Variants in CFAP54 observed in about 807,000 individuals in gnomAD.
The protein encoded by CFAP54 is cilia and flagella associated protein 54, also known as cilia- and flagella-associated protein 54.
CFAP54 carries 290 observed loss-of-function variants against 370.4 expected under a neutral mutation model. The observed-to-expected ratio is 0.78, with a 90% confidence interval of 0.71 to 0.86. The LOEUF (loss-of-function observed/expected upper bound fraction) is 0.86. CFAP54 is among the 40% of genes least tolerant of loss of function. The probability of loss-of-function intolerance (pLI) is 0.00; values close to 1 mark genes in which losing one functional copy is unlikely to be tolerated. For missense variants in CFAP54, 3,399 were observed against 3,528.7 expected, an observed-to-expected ratio of 0.96 and a Z score of 0.93; for synonymous variants, 1,206 against 1,236.5, an observed-to-expected ratio of 0.98 and a Z score of 0.52.
At chr12:96,644,149 A>G in intron 32 of CFAP54, 29 bp from the exon 33 acceptor site, 1 of 1,411,694 alleles carries the variant, frequency 7.1e-7, no homozygotes, top group Non-Finnish European at 9.5e-7. Context: ...GTTCTTGTGT[A>G]ATTTCAAAAC....
chr12:96,727,569 T>C (rs1957858697), intron 50 of CFAP54, among the ~76,000 whole-genome samples: 1 of 150,538 alleles, frequency 6.6e-6, no homozygotes, highest in Non-Finnish European at 1.5e-5. Context: ...CCTATGTGTG[T>C]CTCTGCACAT....
rs566590053 is a variant in CFAP54 at position 96,493,792 on chromosome 12, C to T, written c.317+3866C>T. Among the ~76,000 whole-genome samples, 204 of 151,558 alleles carry T rather than the reference C, an allele frequency of 1.3e-3. 1 individual carries two copies. Among genetic ancestry groups the T allele is most frequent in the African/African-American group, 4.7e-3 (194 of 41,286 alleles). ...CAGCCCAGGCGACAGAGTGAGACTC[C>T]GTCTCAAACAAACAAACAAAAAAAC... On this transcript the variant is annotated intron_variant, in intron 1 of 67. Transcript: ENST00000524981.
chr12:96,847,879 C>T (rs1959402993), intron 66 of CFAP54, among the ~76,000 whole-genome samples: 1 of 152,164 alleles, frequency 6.6e-6, no homozygotes, highest in South Asian at 2.1e-4. Flanking sequence ...CCAGGCACAG[C>T]TGTGGCTCTG....
chr12:96,539,877 G>C (rs1477414362), intron 13 of CFAP54, among the ~76,000 whole-genome samples: 1 of 151,962 alleles, frequency 6.6e-6, no homozygotes, highest in African/African-American at 2.4e-5. Flanking sequence ...ATTATAACCT[G>C]GAAACTTAGG....
intron 47 of CFAP54, among the ~76,000 whole-genome samples, chr12:96,707,839 G>C (rs2136589893): frequency 6.6e-6 from 1 of 152,170 alleles, no homozygotes; most frequent in Non-Finnish European, 1.5e-5. Flanking sequence ...GAGGAAGCAA[G>C]GTCATTGGCT....
chr12:96,611,870 G>A (rs1178381270), intron 26 of CFAP54, among the ~76,000 whole-genome samples: 1 of 152,176 alleles, frequency 6.6e-6, no homozygotes, highest in East Asian at 1.9e-4. Context: ...AATGAACAAA[G>A]CCTCCAAGAA....
At chr12:96,872,455 T>G (rs1013673546) in intron 67 of CFAP54, among the ~76,000 whole-genome samples, 3 of 152,174 alleles carry the variant, frequency 2.0e-5, no homozygotes, top group Non-Finnish European at 4.4e-5. Context: ...AATAGAAGGA[T>G]GGAGAAGTGG....
intron 29 of CFAP54, among the ~76,000 whole-genome samples, chr12:96,626,425 G>A (rs1039859165): frequency 2.0e-5 from 3 of 151,758 alleles, no homozygotes; most frequent in Admixed American, 2.0e-4. Flanking sequence ...AAATGTATTA[G>A]TGAATTTCAA....
intron 9 of CFAP54, among the ~76,000 whole-genome samples, chr12:96,533,516 C>G (rs1955464599): frequency 6.6e-6 from 1 of 152,178 alleles, no homozygotes; most frequent in African/African-American, 2.4e-5. Context: ...TCTAGGAACT[C>G]TTGCTCATTC....
At chr12:96,625,326 T>C (rs1023443226) in intron 28 of CFAP54, among the ~76,000 whole-genome samples, 1 of 152,224 alleles carries the variant, frequency 6.6e-6, no homozygotes, top group Non-Finnish European at 1.5e-5. Context: ...CCAGCCAGTC[T>C]GGCTCCAGCA....
At chr12:96,786,644 A>C (rs1958632027) in intron 61 of CFAP54, 31 bp from the exon 62 acceptor site, 4 of 1,434,196 alleles carry the variant, frequency 2.8e-6, no homozygotes, top group Non-Finnish European at 3.8e-6. Flanking sequence ...TTCTAATATG[A>C]ACCTAAACTA....
Position 96,589,499 on chromosome 12 carries a change from TC to T in CFAP54, c.3149del (p.Ser1050CysfsTer12). ...ACCAGTTTGGGATTATTTTGTTGCTTCGCCACTTCAGGATGAACAATCTGTT... is the reference window on the plus strand; with the variant it reads ...ACCAGTTTGGGATTATTTTGTTGCTTGCCACTTCAGGATGAACAATCTGTT... The part of the protein sequence containing the change: ...FSPVWDYFVA[S>X]PLQDEQSVIC... On this transcript the variant is annotated frameshift_variant, in exon 23 of 68. Transcript: ENST00000524981. LOFTEE classifies it high-confidence loss of function. 6.6e-7 allele frequency: 1 copy of T among 1,512,518 alleles called. No individual in the cohort carries two copies. The highest frequency in any genetic ancestry group is 1.2e-5 in the South Asian group (1 of 83,500). 93.7% of individuals were successfully genotyped at this position (1,512,518 alleles called of 1,614,324 possible).
chr12:96,573,706 T>A (rs1955948051), intron 19 of CFAP54, among the ~76,000 whole-genome samples: 1 of 152,210 alleles, frequency 6.6e-6, no homozygotes, highest in African/African-American at 2.4e-5. Context: ...AGGAAACAGA[T>A]GTCATCTTAT....
At position 96,527,326 on chromosome 12, in the gene CFAP54, G is replaced by A. The variant is rs1354717069; in HGVS notation, c.1239G>A (p.Leu413=). ...DSTASQFLAV[L]EALSDSNRRI... The stretch of plus-strand genomic sequence containing the variant: ...CTGCATCCCAGTTTCTGGCTGTCTT[G>A]GAAGCTCTTTCTGATTCAAATAGGC... Residue 413 remains leucine (L), a synonymous_variant, in exon 9 of 68, where the codon TTG becomes TTA. Transcript: ENST00000524981. 51 of 1,535,624 alleles carry A rather than the reference G, an allele frequency of 3.3e-5. No homozygotes were observed. The highest frequency in any genetic ancestry group is 4.3e-5 in the Non-Finnish European group (49 of 1,146,692).
At chr12:96,492,327 C>G (rs1954893669) in intron 1 of CFAP54, among the ~76,000 whole-genome samples, 1 of 152,198 alleles carries the variant, frequency 6.6e-6, no homozygotes, top group African/African-American at 2.4e-5. Context: ...GAGCTCAGCT[C>G]ATCCCTCACT....
chr12:96,557,324 A>T (rs903926344), intron 17 of CFAP54, among the ~76,000 whole-genome samples: 4 of 152,232 alleles, frequency 2.6e-5, no homozygotes, highest in African/African-American at 9.6e-5. Context: ...ACAAGACAAT[A>T]AGCAAAAGAA....
At chr12:96,549,200 T>C (rs1248639615) in intron 15 of CFAP54, among the ~76,000 whole-genome samples, 1 of 152,032 alleles carries the variant, frequency 6.6e-6, no homozygotes, top group African/African-American at 2.4e-5. Context: ...ATCACTGGCT[T>C]ATGGGCTAGC....
intron 30 of CFAP54, among the ~76,000 whole-genome samples, chr12:96,628,658 A>G (rs1019190796): frequency 1.3e-5 from 2 of 152,186 alleles, no homozygotes; most frequent in Non-Finnish European, 2.9e-5. Context: ...ACGAATGTCA[A>G]CTAACTGGGT....
intron 50 of CFAP54, among the ~76,000 whole-genome samples, chr12:96,738,571 A>G (rs1473439676): frequency 1.3e-5 from 2 of 149,656 alleles, no homozygotes; most frequent in Non-Finnish European, 2.9e-5. Flanking sequence ...GTGTCCTCAC[A>G]TAACCTTCCC....
Sources: gnomAD v4.1 joint callset for allele counts (sites outside exome capture counted in the v4.1 genomes callset) on GRCh38, gnomAD v4.1.1 for gene constraint, MANE v1.5 for transcripts, NCBI Gene and HGNC (gene_info 2026-07-23, HGNC 2026-07-21) for gene names.